The following DEFB121 variants were observed in gnomAD, a reference collection of about 807,000 sequenced individuals.
The protein encoded by DEFB121 is defensin beta 121.
Under a neutral mutation model 2.5 loss-of-function variants are expected in DEFB121, and 5 were observed. The observed-to-expected ratio is 1.96, with a 90% CI of 1.03 to 4.13. The LOEUF (loss-of-function observed/expected upper bound fraction) is 4.13. Among genes scored for constraint, DEFB121 ranks in the 30% most tolerant of loss-of-function variants. The pLI is 0.00. For missense variants in DEFB121, 87 were observed against 85.0 expected (o/e 1.02, Z -0.09); for synonymous variants, 39 against 32.6 (o/e 1.20, Z -0.67).
upstream of DEFB121, among the ~76,000 whole-genome samples, chr20:31,407,168 T>G (rs1978509689): frequency 6.6e-6 from 1 of 152,074 alleles, no homozygotes; most frequent in Non-Finnish European, 1.5e-5. Flanking sequence ...GAGACTAGCT[T>G]GAATCCGGGA....
At chr20:31,417,882 G>A in the DEFB121 span, among the ~76,000 whole-genome samples, 2 of 152,088 alleles carry the variant, frequency 1.3e-5, no homozygotes, top group Admixed American at 1.3e-4. Flanking sequence ...AGAATTGCTT[G>A]AACCCAGGAG....
intron 1 of DEFB121, 65 bp downstream of exon 1, chr20:31,406,030 C>T: frequency 6.3e-7 from 1 of 1,583,916 alleles, no homozygotes; most frequent in Non-Finnish European, 8.7e-7. Flanking sequence ...TGTCAGAGTC[C>T]CCAGAGTTCT....
chr20:31,405,195 C>G, intron 1 of DEFB121, 110 bp from the exon 2 acceptor site: 1 of 1,068,026 alleles, frequency 9.4e-7, no homozygotes, highest in South Asian at 1.7e-5. Context: ...ATGAGGAGGT[C>G]TGTGGGGAAG....
chr20:31,412,466 T>A (rs1978690624), intron 1 of DEFB121, among the ~76,000 whole-genome samples: 1 of 152,160 alleles, frequency 6.6e-6, no homozygotes, highest in Non-Finnish European at 1.5e-5. Context: ...TGAACTTCAG[T>A]TTAATTATCT....
chr20:31,409,853 A>G (rs1027692039), upstream of DEFB121, among the ~76,000 whole-genome samples: 1 of 152,224 alleles, frequency 6.6e-6, no homozygotes, highest in Non-Finnish European at 1.5e-5. Flanking sequence ...ATTCACATGA[A>G]ACTCTAGAAA....
At chr20:31,406,009 C>T (rs111257128) in intron 1 of DEFB121, 86 bp downstream of exon 1, 3 of 1,500,390 alleles carry the variant, frequency 2.0e-6, no homozygotes, top group African/African-American at 1.4e-5. Flanking sequence ...GGCCATTCTC[C>T]CAGCCCAACC....
chr20:31,412,320 C>T (rs996826292), intron 1 of DEFB121, among the ~76,000 whole-genome samples: 24 of 152,044 alleles, frequency 1.6e-4, no homozygotes, highest in African/African-American at 4.1e-4. Context: ...TTTGAAGTGA[C>T]GTTTGACAAT....
Position 31,406,215 on chromosome 20 carries a change from C to A in DEFB121, c.-63G>T. On this transcript the variant is annotated 5_prime_UTR_variant, in exon 1 of 2. Transcript: ENST00000376314. ...AACTGGTAAAACAGACAGAGGACTC[C>A]ATTCTGGGCAGTCCAGACTGGTATT... The A allele has an allele frequency of 3.1e-6, 5 of 1,607,382 alleles. No homozygotes were observed. The highest frequency in any genetic ancestry group is 4.2e-6 in the Non-Finnish European group (5 of 1,176,660).
the DEFB121 span, among the ~76,000 whole-genome samples, chr20:31,417,989 G>A: frequency 6.7e-6 from 1 of 148,564 alleles, no homozygotes; most frequent in Non-Finnish European, 1.5e-5. Context: ...GGCCGGGCGC[G>A]GTGGCTCACG....
At position 31,406,086 on chromosome 20, in the gene DEFB121, C is replaced by G; in HGVS notation, c.58+9G>C. On this transcript the variant is annotated intron_variant, in intron 1 of 1. Coordinates refer to ENST00000376314, the MANE Select transcript of DEFB121 (RefSeq NM_001011878.3). ...CTGACTCCCATCCCCTTCTGGAGAT[C>G]CTGTTTACCTGGGGTGACCTGGGCC... is the stretch of plus-strand genomic sequence containing the variant. 6.2e-7 allele frequency: 1 copy of G among 1,614,020 alleles called. No individual in the cohort carries two copies. Among genetic ancestry groups the G allele is most frequent in the Non-Finnish European group, 8.5e-7 (1 of 1,179,942 alleles).
upstream of DEFB121, among the ~76,000 whole-genome samples, chr20:31,414,559 G>A (rs1028215664): frequency 3.3e-5 from 5 of 152,180 alleles, no homozygotes; most frequent in African/African-American, 1.2e-4. Context: ...TGACGTGAAT[G>A]AGCCTTGAGG....
Position 31,405,052 on chromosome 20 carries a change from C to A in DEFB121, c.92G>T (p.Arg31Ile). The stretch of plus-strand genomic sequence containing the variant: ...TACTTCACTTTCTTTACATGTTGTT[C>A]TGCACCTGCCTGACTTGCCCCAACA... ...MKCWGKSGRC[R>I]TTCKESEVYY... Residue 31 changes from arginine to isoleucine, a missense_variant, in exon 2 of 2, where the codon AGA (arginine) becomes ATA (isoleucine). By Grantham distance (97) the Arg-to-Ile change is moderately conservative (BLOSUM62 -3). Coordinates refer to ENST00000376314, the MANE Select transcript of DEFB121 (RefSeq NM_001011878.3). 1 of 1,605,160 alleles carries A rather than the reference C, an allele frequency of 6.2e-7. No individual in the cohort carries two copies. The highest frequency in any genetic ancestry group is 8.5e-7 in the Non-Finnish European group (1 of 1,177,888).
the DEFB121 span, among the ~76,000 whole-genome samples, chr20:31,418,084 C>A: frequency 6.7e-6 from 1 of 149,740 alleles, no homozygotes; most frequent in Non-Finnish European, 1.5e-5. Context: ...AACGGTGAAA[C>A]CCCGTCTCTA....
At chr20:31,411,362 G>A (rs186603891) in intron 1 of DEFB121, among the ~76,000 whole-genome samples, 1 of 152,184 alleles carries the variant, frequency 6.6e-6, no homozygotes, top group Admixed American at 6.5e-5. Context: ...AATCTGATTG[G>A]CTGAACATAA....
At chr20:31,415,561 A>T (rs192857843), upstream of DEFB121, among the ~76,000 whole-genome samples, 19 of 152,188 alleles carry the variant, frequency 1.2e-4, no homozygotes, top group East Asian at 3.7e-3. Flanking sequence ...GAACACTCTT[A>T]CTGACTACCA....
chr20:31,414,600 G>T (rs183888360), upstream of DEFB121, among the ~76,000 whole-genome samples: 12 of 152,306 alleles, frequency 7.9e-5, no homozygotes, highest in East Asian at 2.3e-3. Flanking sequence ...AACCAGTCAC[G>T]GAAAGACAAA....
chr20:31,407,685 T>G (rs1978526600), upstream of DEFB121, among the ~76,000 whole-genome samples: 1 of 152,234 alleles, frequency 6.6e-6, no homozygotes, highest in Admixed American at 6.5e-5. Context: ...GAACATTACA[T>G]AGTAATGGCT....
the DEFB121 span, among the ~76,000 whole-genome samples, chr20:31,418,277 A>AAAAAAAG: frequency 3.4e-5 from 5 of 148,964 alleles, no homozygotes; most frequent in South Asian, 2.1e-4. Context: ...AAAAAAAAAA[A>AAAAAAAG]AAAAAGAAAA....
intron 1 of DEFB121, 109 bp from the exon 2 acceptor site, chr20:31,405,194 T>G: frequency 9.4e-7 from 1 of 1,066,340 alleles, no homozygotes; most frequent in Non-Finnish European, 1.3e-6. Flanking sequence ...AATGAGGAGG[T>G]CTGTGGGGAA....
Sources: gnomAD v4.1 joint callset for allele counts (sites outside exome capture counted in the v4.1 genomes callset) on GRCh38, gnomAD v4.1.1 for gene constraint, MANE v1.5 for transcripts, NCBI Gene and HGNC (gene_info 2026-07-23, HGNC 2026-07-21) for gene names.